The following AKAP6 variants were observed in gnomAD, a reference collection of about 807,000 sequenced individuals.
AKAP6 encodes A-kinase anchor protein 6.
A neutral mutation model predicts 188.5 loss-of-function variants in AKAP6; 58 were observed. That is an observed-to-expected ratio of 0.31 (90% CI 0.25 to 0.38). AKAP6 has a LOEUF of 0.38. Ranked by LOEUF, AKAP6 falls within the 10% of genes least tolerant of loss-of-function variation. The probability of loss-of-function intolerance (pLI) is 1.00; values close to 1 mark genes in which losing one functional copy is unlikely to be tolerated. For synonymous variants in AKAP6, 989 were observed against 998.6 expected (o/e 0.99, Z 0.18); for missense variants, 2,710 against 2,740.0 (o/e 0.99, Z 0.24).
At chr14:32,562,745 G>A (rs1050886962) in intron 4 of AKAP6, among the ~76,000 whole-genome samples, 3 of 152,116 alleles carry the variant, frequency 2.0e-5, no homozygotes, top group Admixed American at 6.6e-5. Context: ...GTGACAGAGC[G>A]AGACTCCATA....
At position 32,433,612 on chromosome 14, in the gene AKAP6, A is replaced by C; in HGVS notation, c.119A>C (p.Glu40Ala). ...MTPTVEQGEG[E>A]EAMKDMDSDQ... ...CCCACTGTGGAGCAGGGTGAGGGAG[A>C]AGAGGCAATGAAGGACATGGACTCT... is the stretch of plus-strand genomic sequence containing the variant. Residue 40 changes from glutamate (E) to alanine (A), a missense_variant, in exon 2 of 14, where the codon GAA (glutamate) becomes GCA (alanine). This residue lies in a region of AKAP6 where 237 missense variants were observed against 313.9 expected (regional missense o/e 0.76). Transcript: ENST00000280979. 1 of 1,614,112 alleles carries C rather than the reference A, an allele frequency of 6.2e-7. No homozygotes were observed.
At chr14:32,502,364 G>A (rs1880649141) in intron 2 of AKAP6, among the ~76,000 whole-genome samples, 1 of 152,106 alleles carries the variant, frequency 6.6e-6, no homozygotes, top group South Asian at 2.1e-4. Context: ...TGTCCATCAA[G>A]AGCAGCTTTT....
chr14:32,493,960 C>T (rs6571529), intron 2 of AKAP6, among the ~76,000 whole-genome samples: 10,273 of 151,978 alleles, frequency 0.068, 941 homozygotes, highest in African/African-American at 0.21. Flanking sequence ...AGGAGAGTCA[C>T]GAGGCTTCTA....
chr14:32,475,185 A>G (rs1878996713), intron 2 of AKAP6, among the ~76,000 whole-genome samples: 1 of 152,180 alleles, frequency 6.6e-6, no homozygotes, highest in South Asian at 2.1e-4. Flanking sequence ...ATGCACTATC[A>G]TGTTTTGTCC....
At position 32,822,862 on chromosome 14, in the gene AKAP6, C is replaced by G; in HGVS notation, c.5049C>G (p.Asp1683Glu). 2 of 1,613,924 alleles carry G rather than the reference C, an allele frequency of 1.2e-6. No individual in the cohort carries two copies. The highest frequency in any genetic ancestry group is 1.7e-6 in the Non-Finnish European group (2 of 1,179,920). The change falls in exon 13 of 14, where the codon GAC becomes GAG. Residue 1683 changes from aspartate to glutamate, a missense_variant. By Grantham distance (45) the Asp-to-Glu change is conservative (BLOSUM62 2). This residue lies in a region of AKAP6 where 2,473 missense variants were observed against 2,426.1 expected (regional missense o/e 1.02). Transcript: ENST00000280979. The stretch of plus-strand genomic sequence containing the variant: ...ACATAGCATCTTCTATCAATGAAGA[C>G]TCAGCGGCATCTCTAACAGAACTTA... ...SLDIASSINE[D>E]SAASLTELSS...
chr14:32,737,298 T>C (rs1566676998), intron 11 of AKAP6, among the ~76,000 whole-genome samples: 1 of 152,154 alleles, frequency 6.6e-6, no homozygotes, highest in Non-Finnish European at 1.5e-5. Context: ...TTGGAATAAA[T>C]CTTTTTCCTA....
At chr14:32,712,000 C>G (rs1229116072) in intron 9 of AKAP6, among the ~76,000 whole-genome samples, 1 of 151,794 alleles carries the variant, frequency 6.6e-6, no homozygotes. Context: ...TGCCTATAAG[C>G]AATTGGACAA....
chr14:32,427,223 A>G (rs922914656), intron 1 of AKAP6, among the ~76,000 whole-genome samples: 2 of 152,168 alleles, frequency 1.3e-5, no homozygotes, highest in African/African-American at 4.8e-5. Context: ...TTAGAAAGTG[A>G]GATTAATCTG....
chr14:32,426,080 C>T (rs1890021485), intron 1 of AKAP6, among the ~76,000 whole-genome samples: 1 of 152,186 alleles, frequency 6.6e-6, no homozygotes, highest in Non-Finnish European at 1.5e-5. Context: ...CCAGTTATCC[C>T]AGCACCATTT....
At position 32,722,714 on chromosome 14, in the gene AKAP6, T is replaced by C. The variant is rs186373286; in HGVS notation, c.3001-9740T>C. Reference sequence around the variant, plus strand: ...CAAACTCTAGGGAAAGATTATCTTCTCACTCCATCGCCTTCCCAGCTCCCC... The same window carrying C: ...CAAACTCTAGGGAAAGATTATCTTCCCACTCCATCGCCTTCCCAGCTCCCC... On this transcript the variant is annotated intron_variant, in intron 9 of 13. Transcript: ENST00000280979. Among the ~76,000 whole-genome samples the C allele has an allele frequency of 4.4e-3, 667 of 152,202 alleles. 9 individuals are homozygous for C. The highest frequency in any genetic ancestry group is 0.014 in the African/African-American group (588 of 41,546).
Position 32,822,963 on chromosome 14 carries a change from C to T in AKAP6, c.5150C>T (p.Ser1717Leu), listed in dbSNP as rs146242099. Residue 1717 changes from serine (S) to leucine (L), a missense_variant, in exon 13 of 14, where the codon TCG (serine) becomes TTG (leucine). Around this residue, in one of 2 missense-constraint regions of AKAP6, gnomAD observed 2,473 missense variants for 2,426.1 expected, o/e 1.02. Coordinates refer to ENST00000280979, the MANE Select transcript of AKAP6 (RefSeq NM_004274.5). The stretch of plus-strand genomic sequence containing the variant: ...AACAAGATCCCGGAATCGAATGCAT[C>T]GTTCAGGAAGCGTCTGACTCGTTCA... ...HKNKIPESNA[S>L]FRKRLTRSVA... is the part of the protein sequence containing the mutation. 11 of 1,613,832 alleles carry T rather than the reference C, an allele frequency of 6.8e-6. No homozygotes were observed. The highest frequency in any genetic ancestry group is 2.2e-5 in the East Asian group (1 of 44,852).
At chr14:32,620,770 G>T (rs1886784811) in intron 7 of AKAP6, among the ~76,000 whole-genome samples, 1 of 151,610 alleles carries the variant, frequency 6.6e-6, no homozygotes, top group African/African-American at 2.4e-5. Flanking sequence ...GTAGAATTTG[G>T]CTGTGAATCC....
intron 2 of AKAP6, among the ~76,000 whole-genome samples, chr14:32,513,043 C>T (rs749778756): frequency 6.6e-6 from 1 of 152,154 alleles, no homozygotes; most frequent in Admixed American, 6.5e-5. Context: ...TTTACTCCCC[C>T]AGTAATTACT....
At position 32,833,366 on chromosome 14, in the gene AKAP6, A is replaced by G. The variant is rs1261699185; in HGVS notation, c.*3561A>G. On this transcript the variant is annotated 3_prime_UTR_variant, in exon 14 of 14. Transcript: ENST00000280979. ...TTTGTCTCAATTAAATGATGACCTCATTTAGTTTCTGATGAAGTTTCTCTA... is the reference window on the plus strand; with the variant it reads ...TTTGTCTCAATTAAATGATGACCTCGTTTAGTTTCTGATGAAGTTTCTCTA... 1 of 152,212 alleles carries G rather than the reference A, an allele frequency of 6.6e-6. No homozygotes were observed. Among genetic ancestry groups the G allele is most frequent in the East Asian group, 1.9e-4 (1 of 5,204 alleles). 9.4% of individuals were successfully genotyped at this position (152,212 alleles called of 1,614,324 possible).
chr14:32,769,786 T>G (rs752390182), intron 11 of AKAP6, among the ~76,000 whole-genome samples: 5 of 152,176 alleles, frequency 3.3e-5, no homozygotes, highest in Non-Finnish European at 4.4e-5. Context: ...TCTGATCTGG[T>G]TCTTACATCT....
chr14:32,778,926 TAAAAG>T (rs2033154206), intron 12 of AKAP6, among the ~76,000 whole-genome samples: 2 of 139,718 alleles, frequency 1.4e-5, no homozygotes, highest in South Asian at 4.6e-4. Context: ...TAAAAAAAAA[TAAAAG>T]AAAAAGAATA....
At chr14:32,339,453 G>A (rs1886825090) in intron 1 of AKAP6, among the ~76,000 whole-genome samples, 1 of 152,184 alleles carries the variant, frequency 6.6e-6, no homozygotes, top group South Asian at 2.1e-4. Flanking sequence ...TGCCTGGGAA[G>A]CTCTGATGTC....
chr14:32,788,685 CTA>C (rs71115097), intron 12 of AKAP6, among the ~76,000 whole-genome samples: 66,622 of 151,814 alleles, frequency 0.44, 15,496 homozygotes, highest in Non-Finnish European at 0.52. Context: ...TGTGAGCCCA[CTA>C]ACTACCAGGT....
intron 5 of AKAP6, among the ~76,000 whole-genome samples, chr14:32,585,982 A>C (rs1209228927): frequency 3.9e-5 from 6 of 152,156 alleles, no homozygotes; most frequent in Admixed American, 3.9e-4. Flanking sequence ...ATGGGGACTC[A>C]TTGAAGGTCC....
Sources: allele counts gnomAD v4.1 joint callset (sites outside exome capture counted in the v4.1 genomes callset), GRCh38; gene constraint gnomAD v4.1.1; regional missense constraint gnomAD v4.1.1; transcripts MANE v1.5; gene names NCBI Gene and HGNC (gene_info 2026-07-23, HGNC 2026-07-21).